The following DCN variants were observed in gnomAD, a reference collection of about 807,000 sequenced individuals.
DCN encodes bone proteoglycan II.
A neutral mutation model predicts 36.5 loss-of-function variants in DCN; 17 were observed. The observed-to-expected ratio is 0.47, with a 90% CI of 0.32 to 0.70. The LOEUF is 0.70. Ranked by LOEUF, DCN falls within the 30% of genes least tolerant of loss-of-function variation. DCN has a pLI of 0.04. For synonymous variants in DCN, 163 were observed against 161.4 expected (o/e 1.01, Z -0.07); for missense variants, 389 against 430.1 (o/e 0.90, Z 0.84).
chr12:91,148,452 T>G (rs1430268807), intron 7 of DCN, among the ~76,000 whole-genome samples: 1 of 152,014 alleles, frequency 6.6e-6, no homozygotes, highest in Non-Finnish European at 1.5e-5. Flanking sequence ...GCGTGGTGGC[T>G]TATGTCTGTA....
At chr12:91,163,434 G>A (rs907031079) in intron 3 of DCN, among the ~76,000 whole-genome samples, 1 of 152,140 alleles carries the variant, frequency 6.6e-6, no homozygotes, top group Non-Finnish European at 1.5e-5. Context: ...ACACAGGCAG[G>A]AAATTAAGAG....
chr12:91,154,661 G>T (rs1348248922), intron 5 of DCN, among the ~76,000 whole-genome samples: 2 of 152,080 alleles, frequency 1.3e-5, no homozygotes, highest in African/African-American at 4.8e-5. Context: ...TTGAGTTAAA[G>T]AACCCATACT....
At chr12:91,169,583 G>GAAGTGGGTGGAGATAGAA (rs1376588306) in intron 2 of DCN, 2 of 151,940 alleles carry the variant, frequency 1.3e-5, no homozygotes, top group African/African-American at 4.8e-5. Flanking sequence ...AAATGATATG[G>GAAGTGGGTGGAGATAGAA]AAGTGGGTGG....
chr12:91,174,101 A>T (rs753468495), intron 2 of DCN, among the ~76,000 whole-genome samples: 3 of 152,200 alleles, frequency 2.0e-5, no homozygotes, highest in Non-Finnish European at 4.4e-5. Flanking sequence ...TGGGGGTATG[A>T]ATCACTTATG....
intron 3 of DCN, among the ~76,000 whole-genome samples, chr12:91,161,836 T>C (rs556025236): frequency 6.6e-6 from 1 of 152,336 alleles, no homozygotes; most frequent in Non-Finnish European, 1.5e-5. Context: ...TAATGATGCC[T>C]AATTTTTTCT....
rs1880766874 is a variant in DCN at position 91,141,951 on chromosome 12, G to C, written c.*4107C>G. Reference sequence around the variant, plus strand: ...TCAAAATTGTTCAACTTCTTTGAAGGTTGTTTTAGTTTCCTGAATGCGTAT... The same window carrying C: ...TCAAAATTGTTCAACTTCTTTGAAGCTTGTTTTAGTTTCCTGAATGCGTAT... On this transcript the variant is annotated 3_prime_UTR_variant, in exon 8 of 8. Transcript: ENST00000052754. The C allele has an allele frequency of 6.6e-6, 1 of 152,116 alleles. No homozygotes were observed. The highest frequency in any genetic ancestry group is 1.5e-5 in the Non-Finnish European group (1 of 68,014). 9.4% of individuals were successfully genotyped at this position (152,116 alleles called of 1,614,324 possible). A position where few individuals can be genotyped will look rare whatever the true frequency, so the allele number is the denominator to read the frequency against.
chr12:91,166,840 C>T (rs1212256961), intron 2 of DCN, among the ~76,000 whole-genome samples: 1 of 151,996 alleles, frequency 6.6e-6, no homozygotes, highest in Non-Finnish European at 1.5e-5. Context: ...AGAGTCATTT[C>T]AATGATTAAA....
At chr12:91,167,313 G>T (rs181846061) in intron 2 of DCN, among the ~76,000 whole-genome samples, 3 of 151,924 alleles carry the variant, frequency 2.0e-5, no homozygotes, top group East Asian at 3.9e-4. Context: ...CAAAGGGAAG[G>T]GTCCTTAAAT....
chr12:91,145,989 T>C lies in DCN; in HGVS notation c.*69A>G. 7.6e-7 allele frequency: 1 copy of C among 1,322,722 alleles called. No individual in the cohort carries two copies. The highest frequency in any genetic ancestry group is 1.1e-6 in the Non-Finnish European group (1 of 914,958). 81.9% of individuals were successfully genotyped at this position (1,322,722 alleles called of 1,614,324 possible). A position where few individuals can be genotyped will look rare whatever the true frequency, so the allele number is the denominator to read the frequency against. On this transcript the variant is annotated 3_prime_UTR_variant, in exon 8 of 8. Coordinates refer to ENST00000052754, the MANE Select transcript of DCN (RefSeq NM_001920.5). ...CAGTTAGGTTTCCAGTATCTAGCTT[T>C]TATTTATTTTTTAGCAATGACATTA... is the stretch of plus-strand genomic sequence containing the variant.
In DCN at chr12:91,178,939, T is replaced by C. The variant is rs549350823; in HGVS notation, c.-33-354A>G. Reference sequence around the variant, plus strand: ...TCACTTAACACATGGTCAGATAAAATTATCTCTATCCACATAGGAGATCTC... The same window carrying C: ...TCACTTAACACATGGTCAGATAAAACTATCTCTATCCACATAGGAGATCTC... On this transcript the variant is annotated intron_variant, in intron 1 of 7. Coordinates refer to ENST00000052754, the MANE Select transcript of DCN (RefSeq NM_001920.5). 3.9e-5 allele frequency among the ~76,000 whole-genome samples: 6 copies of C among 152,226 alleles called. No individual in the cohort carries two copies. In the East Asian group the frequency reaches 5.8e-4, roughly 15 times the overall value.
chr12:91,147,850 T>C (rs1003879294), intron 7 of DCN, among the ~76,000 whole-genome samples: 8 of 152,180 alleles, frequency 5.3e-5, no homozygotes, highest in Admixed American at 5.2e-4. Flanking sequence ...CAGTGCAATA[T>C]AATTAATCAG....
intron 7 of DCN, among the ~76,000 whole-genome samples, chr12:91,147,592 T>C (rs570105023): frequency 1.3e-5 from 2 of 152,182 alleles, no homozygotes; most frequent in Non-Finnish European, 2.9e-5. Flanking sequence ...CAGGTCTACA[T>C]GACTATATTG....
At chr12:91,175,209 A>G (rs1883219873) in intron 2 of DCN, 1 of 152,102 alleles carries the variant, frequency 6.6e-6, no homozygotes, top group Admixed American at 6.5e-5. Context: ...ATGATAGATA[A>G]AAGAAGACAA....
chr12:91,151,663 C>T lies in DCN; in HGVS notation c.876G>A (p.Lys292=). The T allele has an allele frequency of 6.2e-7, 1 of 1,613,994 alleles. No homozygotes were observed. The highest frequency in any genetic ancestry group is 8.5e-7 in the Non-Finnish European group (1 of 1,179,964). The part of the protein sequence containing the change: ...TRVPGGLAEH[K]YIQVVYLHNN... ...AGTGGCTTTGCATTACCTGGATGTACTTATGCTCTGCCAGCCCACCAGGTA... is the reference window on the plus strand; with the variant it reads ...AGTGGCTTTGCATTACCTGGATGTATTTATGCTCTGCCAGCCCACCAGGTA... The change falls in exon 7 of 8, where the codon AAG becomes AAA. Residue 292 remains lysine, a synonymous_variant. Coordinates refer to ENST00000052754, the MANE Select transcript of DCN (RefSeq NM_001920.5).
rs2121099190 is a variant in DCN, at chr12:91,140,677, A to G, written c.*5381T>C. On this transcript the variant is annotated 3_prime_UTR_variant, in exon 8 of 8. Transcript: ENST00000052754. ...CGGCATCTCTAGAATTTATGTCTAC[A>G]GCTCAACCCTTTCCCTTGAGCTCCA... 2 of 152,298 alleles carry G rather than the reference A, an allele frequency of 1.3e-5. No homozygotes were observed. The highest frequency in any genetic ancestry group is 4.8e-5 in the African/African-American group (2 of 41,582). The allele number at this position is 152,298 out of a possible 1,614,324, so 9.4% of individuals were successfully genotyped here. A position where few individuals can be genotyped will look rare whatever the true frequency, so the allele number is the denominator to read the frequency against.
chr12:91,177,414 C>G (rs1883357758), intron 2 of DCN: 6 of 580,346 alleles, frequency 1.0e-5, no homozygotes, highest in Non-Finnish European at 1.8e-5. Flanking sequence ...GGAATTTCTT[C>G]CAGAAGGAAG....
rs1451615240 is a variant in DCN at position 91,142,095 on chromosome 12, A to C, written c.*3963T>G. On this transcript the variant is annotated 3_prime_UTR_variant, in exon 8 of 8. Transcript: ENST00000052754. ...TGTCACAGACCTGTGATTTGAAATA[A>C]TTGTGACAGATGGTGTGCTTGAATA... 1 of 152,190 alleles carries C rather than the reference A, an allele frequency of 6.6e-6. No homozygotes were observed. Among genetic ancestry groups the C allele is most frequent in the African/African-American group, 2.4e-5 (1 of 41,444 alleles). 9.4% of individuals were successfully genotyped at this position (152,190 alleles called of 1,614,324 possible).
At position 91,151,694 on chromosome 12, in the gene DCN, G is replaced by A; in HGVS notation, c.845C>T (p.Thr282Ile). Residue 282 changes from threonine to isoleucine, a missense_variant, in exon 7 of 8, where the codon ACC becomes ATC. Thr to Ile is a moderately conservative substitution (Grantham distance 89). Transcript: ENST00000052754. ...RELHLDNNKL[T>I]RVPGGLAEHK... ...CTCTGCCAGCCCACCAGGTACTCTG[G>A]TAAGCTTGTTGTTGTCCAAGTGAAG... is the stretch of plus-strand genomic sequence containing the variant. 6.2e-7 allele frequency: 1 copy of A among 1,614,056 alleles called. No homozygotes were observed. The highest frequency in any genetic ancestry group is 8.5e-7 in the Non-Finnish European group (1 of 1,179,976).
intron 3 of DCN, among the ~76,000 whole-genome samples, chr12:91,163,937 G>T (rs1427181825): frequency 6.6e-6 from 1 of 152,050 alleles, no homozygotes; most frequent in East Asian, 1.9e-4. Flanking sequence ...AATTTAATTT[G>T]AAAGACAATT....
Sources: allele counts gnomAD v4.1 joint callset (sites outside exome capture counted in the v4.1 genomes callset), GRCh38; gene constraint gnomAD v4.1.1; transcripts MANE v1.5; gene names NCBI Gene and HGNC (gene_info 2026-07-23, HGNC 2026-07-21).